The following NDUFA10 variants were observed in gnomAD, a reference collection of about 807,000 sequenced individuals.
NDUFA10 encodes NADH dehydrogenase [ubiquinone] 1 alpha subcomplex subunit 10, mitochondrial.
Under a neutral mutation model 47.8 loss-of-function variants are expected in NDUFA10, and 40 were observed. The observed-to-expected ratio is 0.84, with a 90% CI of 0.65 to 1.09. The LOEUF (loss-of-function observed/expected upper bound fraction) is 1.09, where lower values mean the gene tolerates loss of function less well. NDUFA10 is among the 50% of genes least tolerant of loss of function. The probability of loss-of-function intolerance (pLI) is 0.00; values close to 1 mark genes in which losing one functional copy is unlikely to be tolerated. For synonymous variants in NDUFA10, 183 were observed against 172.2 expected (o/e 1.06, Z -0.49); for missense variants, 413 against 451.1 (o/e 0.92, Z 0.76).
At chr2:239,979,268 C>G (rs1467527798) in intron 9 of NDUFA10, among the ~76,000 whole-genome samples, 1 of 152,082 alleles carries the variant, frequency 6.6e-6, no homozygotes, top group Non-Finnish European at 1.5e-5. Flanking sequence ...ACAGCCCACC[C>G]CACCCAGCTG....
intron 4 of NDUFA10, among the ~76,000 whole-genome samples, chr2:239,911,008 G>A (rs1205061081): frequency 6.6e-6 from 1 of 152,180 alleles, no homozygotes; most frequent in Non-Finnish European, 1.5e-5. Context: ...CACACTGCGT[G>A]TTTCCCCAGA....
rs1156699333 is a variant in NDUFA10, at chr2:239,945,213, C to T, written c.294+44861G>A. 6.6e-6 allele frequency among the ~76,000 whole-genome samples: 1 copy of T among 152,224 alleles called. No individual in the cohort carries two copies. Among genetic ancestry groups the T allele is most frequent in the Non-Finnish European group, 1.5e-5 (1 of 68,042 alleles). ...GACAAGCCACTTCTCAGGTCACCGGCAGGCGTTGAGCAGGCCGCTCTGCAG... is the reference window on the plus strand; with the variant it reads ...GACAAGCCACTTCTCAGGTCACCGGTAGGCGTTGAGCAGGCCGCTCTGCAG... On this transcript the variant is annotated intron_variant, in intron 4 of 5. Transcript: ENST00000419408. The surrounding 1 kb of genome is among the most constrained non-coding windows in gnomAD (Gnocchi z 4.6).
intron 9 of NDUFA10, among the ~76,000 whole-genome samples, chr2:239,966,930 G>C (rs938431558): frequency 1.0e-4 from 15 of 143,382 alleles, no homozygotes; most frequent in Admixed American, 3.0e-4. Context: ...TGTGTTCACA[G>C]AGCTAGAATT....
chr2:239,982,063 C>A, intron 9 of NDUFA10: 1 of 1,608,598 alleles, frequency 6.2e-7, no homozygotes, highest in South Asian at 1.1e-5. Flanking sequence ...TGTGGAATGT[C>A]CTCAAATGCT....
chr2:239,896,826 G>GA (rs141733866), intron 4 of NDUFA10, among the ~76,000 whole-genome samples: 1 of 152,012 alleles, frequency 6.6e-6, no homozygotes, highest in Non-Finnish European at 1.5e-5. Flanking sequence ...ATGTATTTTA[G>GA]AAAAAAACAG....
intron 4 of NDUFA10, among the ~76,000 whole-genome samples, chr2:239,902,968 T>C (rs1425190544): frequency 2.6e-5 from 4 of 152,160 alleles, no homozygotes; most frequent in South Asian, 2.1e-4. Flanking sequence ...CAGTTGGCCA[T>C]TGCACTCAAT....
intron 3 of NDUFA10, among the ~76,000 whole-genome samples, chr2:240,019,373 A>G (rs1269844134): frequency 6.6e-6 from 1 of 152,222 alleles, no homozygotes; most frequent in Non-Finnish European, 1.5e-5. Flanking sequence ...CCCCAAGAAT[A>G]CTGAGATGGG....
At chr2:239,907,468 A>G (rs1025542420) in intron 4 of NDUFA10, among the ~76,000 whole-genome samples, 3 of 152,206 alleles carry the variant, frequency 2.0e-5, no homozygotes, top group Non-Finnish European at 2.9e-5. Flanking sequence ...GCAACCTACA[A>G]AATGGGAGAA....
At chr2:239,924,711 G>A (rs1198940174) in intron 4 of NDUFA10, among the ~76,000 whole-genome samples, 2 of 152,024 alleles carry the variant, frequency 1.3e-5, no homozygotes, top group Non-Finnish European at 2.9e-5. Context: ...AACTAGAGTA[G>A]TAAGTCAAGA....
rs576367659 is a variant in NDUFA10, at chr2:239,928,208, GA to G, written c.295-32895del. Reference sequence around the variant, plus strand: ...ACAAAAGAAGAAAACAAATGTAACAGAAAAAAAAAGGCAGGTACCAATGCCA... The same window carrying G: ...ACAAAAGAAGAAAACAAATGTAACAGAAAAAAAAGGCAGGTACCAATGCCA... On this transcript the variant is annotated intron_variant, in intron 4 of 5. Transcript: ENST00000419408. The surrounding 1 kb of genome is among the most constrained non-coding windows in gnomAD (Gnocchi z 4.3). Among the ~76,000 whole-genome samples, 741 of 149,750 alleles carry G rather than the reference GA, an allele frequency of 4.9e-3. 3 individuals are homozygous for G. The highest frequency in any genetic ancestry group is 0.011 in the South Asian group (53 of 4,696).
chr2:239,953,684 C>T (rs77510478), downstream of NDUFA10, among the ~76,000 whole-genome samples: 11,952 of 149,868 alleles, frequency 0.08, 550 homozygotes, highest in Admixed American at 0.14. Flanking sequence ...GGTGGGAAAA[C>T]GCAACAGGCA....
rs1321816475 is a variant in NDUFA10 at position 239,928,573 on chromosome 2, G to A, written c.295-33259C>T. Among the ~76,000 whole-genome samples the A allele has an allele frequency of 6.6e-6, 1 of 152,174 alleles. No homozygotes were observed. The highest frequency in any genetic ancestry group is 1.9e-4 in the East Asian group (1 of 5,178). On this transcript the variant is annotated intron_variant, in intron 4 of 5. Coordinates refer to the NDUFA10 transcript ENST00000419408. This position sits in a 1 kb window ranked among gnomAD's most constrained non-coding sequence, Gnocchi z 4.3. Reference sequence around the variant, plus strand: ...TGTCTCCCACCCTGGAGCTGTGACAGCGACATCTCGTTTCCAACTATGCTC... The same window carrying A: ...TGTCTCCCACCCTGGAGCTGTGACAACGACATCTCGTTTCCAACTATGCTC...
chr2:239,974,273 G>T (rs2106414509), intron 9 of NDUFA10, among the ~76,000 whole-genome samples: 1 of 152,326 alleles, frequency 6.6e-6, no homozygotes. Context: ...AGGCATCAGT[G>T]CCCTAGCGCT....
At chr2:239,899,458 GGGTGTGACGGAGGGGTGTGATGGAGA>G (rs1432215133) in intron 4 of NDUFA10, among the ~76,000 whole-genome samples, 54 of 149,122 alleles carry the variant, frequency 3.6e-4, no homozygotes, top group Non-Finnish European at 6.6e-4. Context: ...TGTGATGGAG[GGGTGTGACGGAGGGGTGTGATGGAGA>G]GGTGTGATGG....
chr2:239,988,102 A>G (rs563541009), intron 9 of NDUFA10, among the ~76,000 whole-genome samples: 1 of 152,324 alleles, frequency 6.6e-6, no homozygotes, highest in South Asian at 2.1e-4. Context: ...TAAATATCCT[A>G]AATATTCAGA....
chr2:239,984,670 G>C (rs77067067), intron 9 of NDUFA10, among the ~76,000 whole-genome samples: 5 of 152,156 alleles, frequency 3.3e-5, no homozygotes, highest in African/African-American at 1.2e-4. Context: ...ACCAAACAGG[G>C]GACAATGTAG....
intron 4 of NDUFA10, among the ~76,000 whole-genome samples, chr2:239,924,458 A>G (rs556024305): frequency 6.6e-6 from 1 of 152,118 alleles, no homozygotes; most frequent in Non-Finnish European, 1.5e-5. Flanking sequence ...TTATCATATC[A>G]ATTGATGATG....
rs922835824 is a variant in NDUFA10, at chr2:239,997,582, C to T, written c.891-7400G>A. On this transcript the variant is annotated intron_variant, in intron 8 of 9. Transcript: ENST00000252711. ...AATAGCTGTAAAATGCGTTCATATA[C>T]TCTGACCACTTTTATACCTTAAGTA... 2.6e-5 allele frequency among the ~76,000 whole-genome samples: 4 copies of T among 152,174 alleles called. No homozygotes were observed. The South Asian group carries it at 8.3e-4, about 32-fold the overall frequency.
intron 4 of NDUFA10, among the ~76,000 whole-genome samples, chr2:239,898,954 GGTGTGGC>G (rs1693458685): frequency 9.1e-6 from 1 of 110,208 alleles, no homozygotes; most frequent in Admixed American, 8.5e-5. Flanking sequence ...GGTGTGGAGG[GGTGTGGC>G]AGGGTGTGAT....
Sources: gnomAD v4.1 joint callset for allele counts (sites outside exome capture counted in the v4.1 genomes callset) on GRCh38, gnomAD v4.1.1 for gene constraint, Gnocchi (gnomAD v3.1) non-coding constraint, MANE v1.5 for transcripts, NCBI Gene and HGNC (gene_info 2026-07-23, HGNC 2026-07-21) for gene names.